UBAC2: variants seen among roughly 807,000 people sequenced by gnomAD.
UBAC2 encodes ubiquitin-associated domain-containing protein 2.
UBAC2 carries 26 observed loss-of-function variants against 44.0 expected under a neutral mutation model. That is an observed-to-expected ratio of 0.59 (90% CI 0.43 to 0.82). The LOEUF (loss-of-function observed/expected upper bound fraction) is 0.82, where lower values mean the gene tolerates loss of function less well. UBAC2 is among the 40% of genes least tolerant of loss of function. The probability of loss-of-function intolerance (pLI) is 0.00; values close to 1 mark genes in which losing one functional copy is unlikely to be tolerated. For synonymous variants in UBAC2, 155 were observed against 154.3 expected (o/e 1.00, Z -0.04); for missense variants, 329 against 419.4 (o/e 0.78, Z 1.88).
At chr13:99,222,680 C>T (rs541714464) in intron 1 of UBAC2, among the ~76,000 whole-genome samples, 1 of 152,258 alleles carries the variant, frequency 6.6e-6, no homozygotes, top group East Asian at 1.9e-4. Flanking sequence ...CATTGATTTG[C>T]TTTGCATTCC....
intron 1 of UBAC2, among the ~76,000 whole-genome samples, chr13:99,206,642 G>C (rs2042875872): frequency 6.6e-6 from 1 of 152,158 alleles, no homozygotes. Context: ...GTTCTGTGGT[G>C]CTCATCGAGC....
At chr13:99,214,158 G>C (rs944876956) in intron 1 of UBAC2, among the ~76,000 whole-genome samples, 1 of 151,790 alleles carries the variant, frequency 6.6e-6, no homozygotes, top group Non-Finnish European at 1.5e-5. Flanking sequence ...TAGAACTTAG[G>C]TCAGAAAACC....
intron 7 of UBAC2, among the ~76,000 whole-genome samples, chr13:99,356,604 G>C (rs2045187614): frequency 6.6e-6 from 1 of 152,180 alleles, no homozygotes; most frequent in Non-Finnish European, 1.5e-5. Context: ...CTTTGTTCAA[G>C]CGATCATCTC....
At chr13:99,264,001 ATG>A (rs2043706250) in intron 4 of UBAC2, among the ~76,000 whole-genome samples, 1 of 152,196 alleles carries the variant, frequency 6.6e-6, no homozygotes, top group Non-Finnish European at 1.5e-5. Flanking sequence ...GGGTGTGGGC[ATG>A]TGTAATAATA....
At chr13:99,358,680 C>T (rs781143267) in intron 7 of UBAC2, among the ~76,000 whole-genome samples, 2 of 152,120 alleles carry the variant, frequency 1.3e-5, no homozygotes, top group Non-Finnish European at 2.9e-5. Flanking sequence ...GGAGCCACCC[C>T]GGCCATGGAC....
intron 8 of UBAC2, among the ~76,000 whole-genome samples, chr13:99,368,778 A>G (rs1594178539): frequency 1.3e-5 from 2 of 151,442 alleles, no homozygotes; most frequent in African/African-American, 4.8e-5. Flanking sequence ...GCCTCCTGGT[A>G]GCAGTGGGCT....
Position 99,295,801 on chromosome 13 carries a change from T to C in UBAC2, c.390-18296T>C, listed in dbSNP as rs753117807. 1.9e-6 allele frequency: 3 copies of C among 1,612,364 alleles called. No homozygotes were observed. Among genetic ancestry groups the C allele is most frequent in the East Asian group, 2.2e-5 (1 of 44,874 alleles). On this transcript the variant is annotated intron_variant, in intron 4 of 8. Transcript: ENST00000403766. This position sits in a 1 kb window ranked among gnomAD's most constrained non-coding sequence, Gnocchi z 4.1. The stretch of plus-strand genomic sequence containing the variant: ...AGGTCATAAAGTTCACACCTGCATA[T>C]GTGTTGATGTAAAACACTAGCGCAG...
At chr13:99,227,366 C>G (rs556409577) in intron 1 of UBAC2, among the ~76,000 whole-genome samples, 1 of 152,248 alleles carries the variant, frequency 6.6e-6, no homozygotes, top group East Asian at 1.9e-4. Flanking sequence ...TGTCGTCAGC[C>G]CCGGGAGCTG....
At chr13:99,233,327 G>T (rs1594026557) in intron 1 of UBAC2, among the ~76,000 whole-genome samples, 1 of 152,058 alleles carries the variant, frequency 6.6e-6, no homozygotes, top group Non-Finnish European at 1.5e-5. Context: ...TGGCCAGGCT[G>T]GTCTTGAACT....
At chr13:99,373,304 A>C (rs1413481420) in intron 8 of UBAC2, among the ~76,000 whole-genome samples, 1 of 151,958 alleles carries the variant, frequency 6.6e-6, no homozygotes, top group Non-Finnish European at 1.5e-5. Context: ...CATCAAGTGT[A>C]TCTCTTCTGA....
At chr13:99,228,457 C>G (rs1253083536) in intron 1 of UBAC2, among the ~76,000 whole-genome samples, 1 of 151,804 alleles carries the variant, frequency 6.6e-6, no homozygotes, top group Non-Finnish European at 1.5e-5. Flanking sequence ...CCACGCCCGG[C>G]TAATTTTTGT....
At chr13:99,366,695 AG>A (rs1192908881) in intron 7 of UBAC2, among the ~76,000 whole-genome samples, 3 of 151,874 alleles carry the variant, frequency 2.0e-5, no homozygotes. Context: ...CAGATAATTG[AG>A]CTCAAAATTG....
chr13:99,312,835 G>GA (rs1173643115), intron 4 of UBAC2: 4 of 153,588 alleles, frequency 2.6e-5, no homozygotes, highest in African/African-American at 7.2e-5. Flanking sequence ...GGGAAGCAGA[G>GA]AGGAGGACAG....
intron 8 of UBAC2, among the ~76,000 whole-genome samples, chr13:99,368,576 C>T (rs1343961327): frequency 2.0e-5 from 3 of 152,018 alleles, no homozygotes; most frequent in Non-Finnish European, 2.9e-5. Context: ...ATGAGGAACT[C>T]GGTTGATTTT....
At chr13:99,307,240 T>TA in intron 4 of UBAC2, 1 of 152,316 alleles carries the variant, frequency 6.6e-6, no homozygotes, top group Middle Eastern at 3.4e-3. Flanking sequence ...AGCTTGTTCT[T>TA]AAATAGATTG....
intron 4 of UBAC2, among the ~76,000 whole-genome samples, chr13:99,268,488 G>A (rs1355656179): frequency 6.6e-6 from 1 of 151,620 alleles, no homozygotes; most frequent in Admixed American, 6.6e-5. Flanking sequence ...TGTGCCTGTA[G>A]TCTCAGCTAC....
rs757151234 is a variant in UBAC2, at chr13:99,295,191, C to T, written c.390-18906C>T. The T allele has an allele frequency of 2.0e-5, 33 of 1,614,022 alleles. No individual in the cohort carries two copies. Among genetic ancestry groups the T allele is most frequent in the Non-Finnish European group, 2.8e-5 (33 of 1,180,024 alleles). On this transcript the variant is annotated intron_variant, in intron 4 of 8. Transcript: ENST00000403766. The surrounding 1 kb of genome is among the most constrained non-coding windows in gnomAD (Gnocchi z 4.1). ...ACTTGCCGTTTCAGCATCCTCATAA[C>T]CTTTCTCTTATACCCTTTACATGCA... is the stretch of plus-strand genomic sequence containing the variant.
At chr13:99,285,559 A>G (rs192841236) in intron 4 of UBAC2, among the ~76,000 whole-genome samples, 8 of 151,962 alleles carry the variant, frequency 5.3e-5, no homozygotes, top group Admixed American at 4.6e-4. Context: ...CGCCCAGCTA[A>G]TTCTTAATTT....
chr13:99,209,840 G>T (rs1201387440), intron 1 of UBAC2, among the ~76,000 whole-genome samples: 2 of 152,180 alleles, frequency 1.3e-5, no homozygotes, highest in East Asian at 1.9e-4. Flanking sequence ...GGGCGTGGTG[G>T]TTGGCGCCTG....
Sources: gnomAD v4.1 joint callset for allele counts (sites outside exome capture counted in the v4.1 genomes callset) on GRCh38, gnomAD v4.1.1 for gene constraint, Gnocchi (gnomAD v3.1) non-coding constraint, MANE v1.5 for transcripts, NCBI Gene and HGNC (gene_info 2026-07-23, HGNC 2026-07-21) for gene names.